Variants in TCF4 observed in about 807,000 individuals in gnomAD.
The protein encoded by TCF4 is transcription factor 4.
A neutral mutation model predicts 82.1 loss-of-function variants in TCF4; 3 were observed. The observed-to-expected ratio is 0.04, with a 90% confidence interval of 0.02 to 0.09. The LOEUF (loss-of-function observed/expected upper bound fraction) is 0.09. TCF4 is among the 10% of genes least tolerant of loss of function. TCF4 has a pLI of 1.00. For missense variants in TCF4, 518 were observed against 852.7 expected, an observed-to-expected ratio of 0.61 and a Z score of 4.89; for synonymous variants, 276 against 309.6, an observed-to-expected ratio of 0.89 and a Z score of 1.14.
intron 5 of TCF4, among the ~76,000 whole-genome samples, chr18:55,446,020 A>C (rs1448721241): frequency 1.3e-5 from 2 of 152,138 alleles, no homozygotes; most frequent in Non-Finnish European, 2.9e-5. Context: ...GGTTTAGCCA[A>C]TAAGTTGTTA....
rs57421596 is a variant in TCF4 at position 55,279,757 on chromosome 18, C to T, written c.550-101G>A. ...GTAGGCAGAAAGTGCTACATTTCTA[C>T]CCTTTCCAGTTTAAATCTGAACAAA... On this transcript the variant is annotated intron_variant, in intron 8 of 19. Transcript: ENST00000354452. 4.9e-3 allele frequency: 7,533 copies of T among 1,552,606 alleles called. 307 individuals are homozygous for T. In the African/African-American group the frequency reaches 0.09, roughly 19 times the overall value.
intron 2 of TCF4, among the ~76,000 whole-genome samples, chr18:55,619,509 A>G (rs1378346139): frequency 6.6e-6 from 1 of 152,126 alleles, no homozygotes; most frequent in South Asian, 2.1e-4. Flanking sequence ...TGTCTAATCT[A>G]CCATTAATTT....
At chr18:55,467,830 C>G (rs544214536) in intron 3 of TCF4, among the ~76,000 whole-genome samples, 1 of 152,292 alleles carries the variant, frequency 6.6e-6, no homozygotes, top group South Asian at 2.1e-4. Flanking sequence ...GAAAGAGTAA[C>G]AGCTCACATG....
intron 3 of TCF4, among the ~76,000 whole-genome samples, chr18:55,475,341 A>G (rs2096268127): frequency 6.6e-6 from 1 of 152,180 alleles, no homozygotes; most frequent in Non-Finnish European, 1.5e-5. Flanking sequence ...TCCAGTGGAT[A>G]TAATACTACA....
chr18:55,389,986 T>C (rs148562971), intron 6 of TCF4, among the ~76,000 whole-genome samples: 1 of 152,086 alleles, frequency 6.6e-6, no homozygotes, highest in Non-Finnish European at 1.5e-5. Flanking sequence ...GGGACACAGA[T>C]GGAAGAACTA....
intron 6 of TCF4, among the ~76,000 whole-genome samples, chr18:55,365,470 A>C (rs1285651836): frequency 6.6e-6 from 1 of 151,912 alleles, no homozygotes; most frequent in Non-Finnish European, 1.5e-5. Flanking sequence ...GCAGAGTGGC[A>C]AAAGCAGTGA....
chr18:55,480,337 C>A (rs1481064170), intron 3 of TCF4, among the ~76,000 whole-genome samples: 1 of 139,208 alleles, frequency 7.2e-6, no homozygotes, highest in Non-Finnish European at 1.5e-5. Flanking sequence ...ATTACACTTA[C>A]TGTTATGGTC....
chr18:55,306,070 G>C (rs2070219557), intron 8 of TCF4, among the ~76,000 whole-genome samples: 1 of 152,178 alleles, frequency 6.6e-6, no homozygotes, highest in Non-Finnish European at 1.5e-5. Flanking sequence ...CTTTGCAAGG[G>C]AGGGTGGGGA....
chr18:55,378,714 C>T (rs1343147676), intron 6 of TCF4, among the ~76,000 whole-genome samples: 1 of 152,144 alleles, frequency 6.6e-6, no homozygotes, highest in African/African-American at 2.4e-5. Context: ...AAAGTCAGAC[C>T]TTTTCTCTTC....
At position 55,351,701 on chromosome 18, in the gene TCF4, C is replaced by A. The variant is rs371871030; in HGVS notation, c.370-698G>T. On this transcript the variant is annotated intron_variant, in intron 6 of 19. Transcript: ENST00000354452. The stretch of plus-strand genomic sequence containing the variant: ...AACACTAGAAAACTTCCACAATAAC[C>A]TATCACAGTGTGACAATTATTAAAC... 3 of 358,190 alleles carry A rather than the reference C, an allele frequency of 8.4e-6. No individual in the cohort carries two copies. The South Asian group carries it at 3.5e-4, about 41-fold the overall frequency. The allele number at this position is 358,190 out of a possible 1,614,324, so 22.2% of individuals were successfully genotyped here.
intron 6 of TCF4, among the ~76,000 whole-genome samples, chr18:55,384,975 A>G (rs567646171): frequency 1.3e-5 from 2 of 152,298 alleles, no homozygotes; most frequent in Admixed American, 6.5e-5. Context: ...CCCGAGCCCG[A>G]CAGATTTTTA....
chr18:55,544,680 C>A (rs555524523), intron 3 of TCF4, among the ~76,000 whole-genome samples: 9 of 152,122 alleles, frequency 5.9e-5, no homozygotes, highest in Admixed American at 3.9e-4. Flanking sequence ...AATAAGCAAA[C>A]TTGATGGTTT....
chr18:55,457,446 C>A (rs1435478169), intron 5 of TCF4, among the ~76,000 whole-genome samples: 3 of 152,186 alleles, frequency 2.0e-5, no homozygotes, highest in African/African-American at 4.8e-5. Context: ...CATTTTTCCA[C>A]ACACACAAGA....
chr18:55,630,425 GA>G (rs1361818887), intron 2 of TCF4, among the ~76,000 whole-genome samples: 1 of 152,152 alleles, frequency 6.6e-6, no homozygotes, highest in African/African-American at 2.4e-5. Flanking sequence ...AAAGGCCCCT[GA>G]CCTTAATCAA....
At chr18:55,527,189 C>T (rs1169847109) in intron 3 of TCF4, among the ~76,000 whole-genome samples, 3 of 152,196 alleles carry the variant, frequency 2.0e-5, no homozygotes, top group Non-Finnish European at 4.4e-5. Flanking sequence ...AGCCCGCATC[C>T]TTAAGGCAAC....
At chr18:55,628,422 T>A (rs2097728647) in intron 2 of TCF4, among the ~76,000 whole-genome samples, 2 of 152,174 alleles carry the variant, frequency 1.3e-5, no homozygotes, top group African/African-American at 4.8e-5. Context: ...TAATTCTTTT[T>A]AAAAAAACTT....
chr18:55,248,992 G>A (rs1187818122), intron 15 of TCF4, among the ~76,000 whole-genome samples: 2 of 152,086 alleles, frequency 1.3e-5, no homozygotes, highest in Admixed American at 6.5e-5. Flanking sequence ...TGATCCACCC[G>A]CCTCGGCCTC....
At chr18:55,397,465 T>C (rs892433559) in intron 6 of TCF4, among the ~76,000 whole-genome samples, 1 of 151,962 alleles carries the variant, frequency 6.6e-6, no homozygotes, top group Admixed American at 6.6e-5. Flanking sequence ...CTTGGGAAAA[T>C]CCCAAGCCCA....
intron 3 of TCF4, among the ~76,000 whole-genome samples, chr18:55,508,866 G>C (rs2096793758): frequency 6.6e-6 from 1 of 152,126 alleles, no homozygotes; most frequent in Non-Finnish European, 1.5e-5. Flanking sequence ...CAAGAAATTT[G>C]CTTACTTTTA....
Sources: allele counts gnomAD v4.1 joint callset (sites outside exome capture counted in the v4.1 genomes callset), GRCh38; gene constraint gnomAD v4.1.1; transcripts MANE v1.5; gene names NCBI Gene and HGNC (gene_info 2026-07-23, HGNC 2026-07-21).